GPC6: variants seen among roughly 807,000 people sequenced by gnomAD.
GPC6 encodes glypican 6.
In GPC6, 14 loss-of-function variants were observed where a neutral mutation model predicts 55.2. The observed-to-expected ratio is 0.25, with a 90% CI of 0.17 to 0.40. GPC6 has a LOEUF of 0.40. Ranked by LOEUF, GPC6 falls within the 10% of genes least tolerant of loss-of-function variation. The pLI is 1.00. For synonymous variants in GPC6, 278 were observed against 259.6 expected (o/e 1.07, Z -0.68); for missense variants, 641 against 708.5 (o/e 0.90, Z 1.08).
intron 2 of GPC6, among the ~76,000 whole-genome samples, chr13:93,591,162 A>G (rs1877453251): frequency 6.6e-6 from 1 of 151,666 alleles, no homozygotes; most frequent in South Asian, 2.1e-4. Flanking sequence ...AGCAAAAGAA[A>G]AAAAAAAAAG....
At chr13:93,275,692 ACTT>A (rs572780022) in intron 1 of GPC6, among the ~76,000 whole-genome samples, 145 of 152,162 alleles carry the variant, frequency 9.5e-4, no homozygotes, top group African/African-American at 3.4e-3. Flanking sequence ...GTGTATCCAA[ACTT>A]CTTCTCATAA....
intron 6 of GPC6, among the ~76,000 whole-genome samples, chr13:94,369,490 T>G (rs1312588974): frequency 6.6e-6 from 1 of 152,146 alleles, no homozygotes; most frequent in Admixed American, 6.6e-5. Flanking sequence ...CAAACACAAC[T>G]CAGAATTCAA....
At chr13:93,501,780 T>A (rs1880529310) in intron 1 of GPC6, among the ~76,000 whole-genome samples, 1 of 152,164 alleles carries the variant, frequency 6.6e-6, no homozygotes, top group Non-Finnish European at 1.5e-5. Context: ...GACCACCAGT[T>A]TGAAATATCT....
intron 4 of GPC6, among the ~76,000 whole-genome samples, chr13:94,177,377 A>G (rs1229858025): frequency 6.6e-6 from 1 of 152,166 alleles, no homozygotes; most frequent in Non-Finnish European, 1.5e-5. Context: ...TATTTGCAGC[A>G]AATATGACTT....
intron 2 of GPC6, among the ~76,000 whole-genome samples, chr13:93,744,766 G>GA (rs528902977): frequency 2.5e-4 from 37 of 148,380 alleles, no homozygotes; most frequent in Non-Finnish European, 3.3e-4. Flanking sequence ...CGTCTCTACT[G>GA]AAAAAAAAAT....
At chr13:93,858,543 A>G (rs527803853) in intron 3 of GPC6, among the ~76,000 whole-genome samples, 1 of 151,718 alleles carries the variant, frequency 6.6e-6, no homozygotes, top group East Asian at 2.0e-4. Flanking sequence ...AGAAATCTCA[A>G]AGAAATGGAC....
intron 1 of GPC6, among the ~76,000 whole-genome samples, chr13:93,255,742 C>T (rs1292158583): frequency 6.6e-6 from 1 of 152,104 alleles, no homozygotes; most frequent in Non-Finnish European, 1.5e-5. Context: ...AAATATAAGC[C>T]TGTATACCAA....
chr13:93,308,233 C>G (rs147482102), intron 1 of GPC6, among the ~76,000 whole-genome samples: 4,526 of 152,100 alleles, frequency 0.03, 193 homozygotes, highest in African/African-American at 0.092. Context: ...TGCAGTGAGC[C>G]GAGATTGCGC....
chr13:93,757,017 C>CA, intron 2 of GPC6, among the ~76,000 whole-genome samples: 1 of 152,276 alleles, frequency 6.6e-6, no homozygotes, highest in African/African-American at 2.4e-5. Flanking sequence ...GATTCTACTT[C>CA]AAACCCTTTA....
At chr13:94,096,047 A>C (rs186040641) in intron 4 of GPC6, among the ~76,000 whole-genome samples, 1 of 152,294 alleles carries the variant, frequency 6.6e-6, no homozygotes, top group African/African-American at 2.4e-5. Context: ...AATAAGCAAA[A>C]GTTTTGCTGG....
intron 2 of GPC6, among the ~76,000 whole-genome samples, chr13:93,804,458 G>C (rs60726331): frequency 1.3e-5 from 2 of 152,082 alleles, no homozygotes; most frequent in African/African-American, 4.8e-5. Flanking sequence ...ACAAGTTTGC[G>C]TACTTCTCAC....
intron 6 of GPC6, among the ~76,000 whole-genome samples, chr13:94,336,304 G>A (rs187931480): frequency 6.6e-6 from 1 of 152,246 alleles, no homozygotes; most frequent in Admixed American, 6.5e-5. Context: ...CAAGCAGGGT[G>A]TGAACTAGCT....
intron 2 of GPC6, among the ~76,000 whole-genome samples, chr13:93,774,226 T>G (rs1262544869): frequency 6.6e-6 from 1 of 151,990 alleles, no homozygotes; most frequent in Non-Finnish European, 1.5e-5. Flanking sequence ...GCCAGGAGAG[T>G]AGAACTGGAA....
At chr13:94,165,283 T>G (rs1163606501) in intron 4 of GPC6, among the ~76,000 whole-genome samples, 1 of 148,686 alleles carries the variant, frequency 6.7e-6, no homozygotes, top group Non-Finnish European at 1.5e-5. Flanking sequence ...CACATATATA[T>G]ATATATATAC....
intron 1 of GPC6, among the ~76,000 whole-genome samples, chr13:93,441,438 AT>A (rs1877797696): frequency 6.6e-6 from 1 of 152,134 alleles, no homozygotes; most frequent in Admixed American, 6.5e-5. Flanking sequence ...CATTTCTCTG[AT>A]GGCCAGTGAT....
chr13:93,610,185 GA>G (rs918059828), intron 2 of GPC6, among the ~76,000 whole-genome samples: 1 of 152,126 alleles, frequency 6.6e-6, no homozygotes, highest in African/African-American at 2.4e-5. Context: ...AGATTTTACG[GA>G]AAAAACTTCG....
chr13:93,983,498 C>T (rs1880896435), intron 3 of GPC6, among the ~76,000 whole-genome samples: 2 of 151,878 alleles, frequency 1.3e-5, no homozygotes, highest in African/African-American at 2.4e-5. Context: ...TGCAATGGTG[C>T]TGTCACAGCT....
rs370686736 is a variant in GPC6 at position 93,316,249 on chromosome 13, A to G, written c.160+88633A>G. ...TTTTTTATTCATGCCCTAGACTATT[A>G]CCAAGCAGAGAGCTTGAAGGCAGTC... On this transcript the variant is annotated intron_variant, in intron 1 of 8. Coordinates refer to ENST00000377047, the MANE Select transcript of GPC6 (RefSeq NM_005708.5). 2.6e-5 allele frequency among the ~76,000 whole-genome samples: 4 copies of G among 152,138 alleles called. No individual in the cohort carries two copies. In the East Asian group the frequency reaches 7.8e-4, roughly 29 times the overall value.
intron 2 of GPC6, among the ~76,000 whole-genome samples, chr13:93,674,449 C>G (rs756995255): frequency 6.6e-6 from 1 of 152,110 alleles, no homozygotes; most frequent in African/African-American, 2.4e-5. Context: ...AATGAGCAAT[C>G]CAGTAAATGC....
Sources: allele counts gnomAD v4.1 joint callset (sites outside exome capture counted in the v4.1 genomes callset), GRCh38; gene constraint gnomAD v4.1.1; transcripts MANE v1.5; gene names NCBI Gene and HGNC (gene_info 2026-07-23, HGNC 2026-07-21).